LHX6: variants seen among roughly 807,000 people sequenced by gnomAD.
LHX6 encodes LIM homeobox 6.
In LHX6, 15 loss-of-function variants were observed where a neutral mutation model predicts 47.1. That is an observed-to-expected ratio of 0.32 (90% CI 0.21 to 0.49). The LOEUF (loss-of-function observed/expected upper bound fraction) is 0.49, where lower values mean the gene tolerates loss of function less well. LHX6 is among the 20% of genes least tolerant of loss of function. The pLI, the probability that LHX6 is intolerant of heterozygous loss-of-function variation, is 0.99. For synonymous variants in LHX6, 242 were observed against 233.5 expected, an observed-to-expected ratio of 1.04 and a Z score of -0.33; for missense variants, 404 against 539.6, an observed-to-expected ratio of 0.75 and a Z score of 2.49.
At chr9:122,227,158 A>C in intron 2 of LHX6, 128 bp from the exon 3 acceptor site, 1 of 933,566 alleles carries the variant, frequency 1.1e-6, no homozygotes, top group Non-Finnish European at 1.5e-6. Flanking sequence ...TGCGCCGTAG[A>C]CTGAAGGACA....
chr9:122,221,972 C>T (rs1391581203), intron 4 of LHX6, among the ~76,000 whole-genome samples: 1 of 152,300 alleles, frequency 6.6e-6, no homozygotes, highest in South Asian at 2.1e-4. Context: ...CACCCCCACG[C>T]CACCATACTG....
intron 2 of LHX6, 148 bp downstream of exon 2, chr9:122,227,261 G>T: frequency 1.1e-6 from 1 of 928,146 alleles, no homozygotes; most frequent in Non-Finnish European, 1.5e-6. Context: ...AACATTCCCT[G>T]CCGGAAAACC....
chr9:122,219,882 C>T (rs1481767817), intron 4 of LHX6, among the ~76,000 whole-genome samples: 1 of 152,248 alleles, frequency 6.6e-6, no homozygotes, highest in African/African-American at 2.4e-5. Flanking sequence ...GGTCTGGCAG[C>T]GCCGCGTCCT....
In LHX6 at chr9:122,217,075, G is replaced by A. The variant is rs752726361; in HGVS notation, c.675C>T (p.Ala225=). The A allele has an allele frequency of 2.0e-5, 33 of 1,614,018 alleles. No individual in the cohort carries two copies. Among genetic ancestry groups the A allele is most frequent in the Non-Finnish European group, 2.8e-5 (33 of 1,179,882 alleles). The change falls in exon 5 of 10, where the codon GCC becomes GCT. Residue 225 remains alanine, a synonymous_variant. Transcript: ENST00000394319. The surrounding 1 kb of genome is among the most constrained non-coding windows in gnomAD (Gnocchi z 4.9). ...DTMIENLKRA[A]ENGNGLTLEG... is the part of the protein sequence containing the mutation. ...GCGGAGCAGGTTGGGTACCGTTCTC[G>A]GCGGCCCTCTTGAGGTTCTCAATCA... is the stretch of plus-strand genomic sequence containing the variant.
At position 122,214,055 on chromosome 9, in the gene LHX6, C is replaced by T; in HGVS notation, c.798G>A (p.Gln266=). ...TAEQLQVMQA[Q]FAQDNNPDAQ... is the part of the protein sequence containing the mutation. ...CGTCGGGGTTGTTGTCCTGCGCGAACTGCGCCTGCATAACCTGCGGGGCGG... is the reference window on the plus strand; with the variant it reads ...CGTCGGGGTTGTTGTCCTGCGCGAATTGCGCCTGCATAACCTGCGGGGCGG... Residue 266 remains glutamine (Q), a synonymous_variant, in exon 7 of 10, where the codon CAG becomes CAA. Transcript: ENST00000394319. This position sits in a 1 kb window ranked among gnomAD's most constrained non-coding sequence, Gnocchi z 4.6. The T allele has an allele frequency of 6.2e-7, 1 of 1,601,978 alleles. No individual in the cohort carries two copies. Among genetic ancestry groups the T allele is most frequent in the Non-Finnish European group, 8.5e-7 (1 of 1,179,494 alleles).
chr9:122,228,524 C>G (rs371312794), intron 1 of LHX6, 133 bp downstream of exon 1: 20 of 1,381,510 alleles, frequency 1.4e-5, no homozygotes, highest in Non-Finnish European at 1.8e-5. Flanking sequence ...CCCACACTCA[C>G]AAGCACACAC....
rs1375962945 is a variant in LHX6, at chr9:122,209,620, A to C, written c.1152T>G (p.Gly384=). The stretch of plus-strand genomic sequence containing the variant: ...CCAACCTGGCTCCATTTACCTTCTC[A>C]CCCCGGTTGGAGAGCGGCCCATCCA... ...ADMDGPLSNR[G]EKVILFQY Residue 384 remains glycine (G), a synonymous_variant, in exon 9 of 10, where the codon GGT becomes GGG. Transcript: ENST00000394319. 5 of 1,610,464 alleles carry C rather than the reference A, an allele frequency of 3.1e-6. No homozygotes were observed. The highest frequency in any genetic ancestry group is 4.2e-6 in the Non-Finnish European group (5 of 1,177,014).
chr9:122,222,891 C>T (rs1231269083), intron 4 of LHX6, among the ~76,000 whole-genome samples: 1 of 152,204 alleles, frequency 6.6e-6, no homozygotes, highest in Non-Finnish European at 1.5e-5. Context: ...GAGCTCTTGG[C>T]CTCTCTTTGG....
Position 122,226,269 on chromosome 9 carries a change from C to T in LHX6, c.461+107G>A. 7.1e-7 allele frequency: 1 copy of T among 1,412,568 alleles called. No individual in the cohort carries two copies. The allele number at this position is 1,412,568 out of a possible 1,614,324, so 87.5% of individuals were successfully genotyped here. On this transcript the variant is annotated intron_variant, in intron 4 of 9. Coordinates refer to ENST00000394319, the MANE Select transcript of LHX6 (RefSeq NM_014368.5). This position sits in a 1 kb window ranked among gnomAD's most constrained non-coding sequence, Gnocchi z 6.5. ...CAGCGCTGCGCGCCGGAAGTGCACT[C>T]GGGACGCCGGGGTTCTGGAGGAGAG...
chr9:122,224,773 A>G (rs1831022081), intron 4 of LHX6, among the ~76,000 whole-genome samples: 1 of 152,172 alleles, frequency 6.6e-6, no homozygotes, highest in African/African-American at 2.4e-5. Flanking sequence ...ACACCCACAC[A>G]TGAACTAAAA....
chr9:122,226,518 G>A lies in LHX6; in HGVS notation c.340-21C>T, dbSNP rs1831106712. 4.3e-6 allele frequency: 7 copies of A among 1,610,796 alleles called. No homozygotes were observed. Among genetic ancestry groups the A allele is most frequent in the Non-Finnish European group, 5.9e-6 (7 of 1,179,324 alleles). On this transcript the variant is annotated intron_variant, in intron 3 of 9. Coordinates refer to ENST00000394319, the MANE Select transcript of LHX6 (RefSeq NM_014368.5). The surrounding 1 kb of genome is among the most constrained non-coding windows in gnomAD (Gnocchi z 6.5). Reference sequence around the variant, plus strand: ...TTGACCTGGGGACGGGGCGGGGACGGAGGTCGGCTCAGCGCGGGCCTCTTT... The same window carrying A: ...TTGACCTGGGGACGGGGCGGGGACGAAGGTCGGCTCAGCGCGGGCCTCTTT...
At chr9:122,211,013 G>T (rs536251329) in intron 8 of LHX6, among the ~76,000 whole-genome samples, 2 of 152,352 alleles carry the variant, frequency 1.3e-5, no homozygotes, top group African/African-American at 4.8e-5. Context: ...ATGGCATTTA[G>T]TAGGTACTCT....
At chr9:122,220,045 T>G (rs556655533) in intron 4 of LHX6, among the ~76,000 whole-genome samples, 1 of 152,214 alleles carries the variant, frequency 6.6e-6, no homozygotes, top group Non-Finnish European at 1.5e-5. Flanking sequence ...GAGCCTTCTG[T>G]GCGCTTGGCT....
Position 122,204,635 on chromosome 9 carries a change from C to CA in LHX6, c.*124dup, listed in dbSNP as rs1316504124. ...CCTCGGGAACCGACCTGGTGGTGGG[C>CA]AGGATGGCGGACGGGGGTGGATGCG... On this transcript the variant is annotated 3_prime_UTR_variant, in exon 10 of 10. Coordinates refer to ENST00000394319, the MANE Select transcript of LHX6 (RefSeq NM_014368.5). 8.4e-6 allele frequency: 10 copies of CA among 1,186,516 alleles called. No homozygotes were observed. Among genetic ancestry groups the CA allele is most frequent in the African/African-American group, 1.5e-5 (1 of 65,694 alleles). The allele number at this position is 1,186,516 out of a possible 1,614,324, so 73.5% of individuals were successfully genotyped here. A position where few individuals can be genotyped will look rare whatever the true frequency, so the allele number is the denominator to read the frequency against.
chr9:122,211,321 G>A (rs1203787645), intron 8 of LHX6, among the ~76,000 whole-genome samples: 2 of 152,186 alleles, frequency 1.3e-5, no homozygotes, highest in Non-Finnish European at 2.9e-5. Context: ...TTCACCTGGG[G>A]TGTTCAAGGA....
Position 122,226,801 on chromosome 9 carries a change from C to T in LHX6, c.339+47G>A. 6.5e-7 allele frequency: 1 copy of T among 1,533,654 alleles called. No homozygotes were observed. The highest frequency in any genetic ancestry group is 8.8e-7 in the Non-Finnish European group (1 of 1,136,526). ...TGCTTCCCTGCAGTCTCCTGCGCTG[C>T]GTCCCACGCCCCGACAACACGCACG... On this transcript the variant is annotated intron_variant, in intron 3 of 9. Coordinates refer to ENST00000394319, the MANE Select transcript of LHX6 (RefSeq NM_014368.5). This position sits in a 1 kb window ranked among gnomAD's most constrained non-coding sequence, Gnocchi z 6.5.
In LHX6 at chr9:122,213,851, G is replaced by A. The variant is rs1199113038; in HGVS notation, c.880-71C>T. On this transcript the variant is annotated intron_variant, in intron 7 of 9. Transcript: ENST00000394319. The surrounding 1 kb of genome is among the most constrained non-coding windows in gnomAD (Gnocchi z 5.5). ...GACGCGCCGCCGGGAGACCCCAGGC[G>A]GGACTGCCTCGTCGCCTCCTGGAGA... 22 of 1,532,586 alleles carry A rather than the reference G, an allele frequency of 1.4e-5. No individual in the cohort carries two copies. The highest frequency in any genetic ancestry group is 1.9e-5 in the Non-Finnish European group (22 of 1,136,152). 94.9% of individuals were successfully genotyped at this position (1,532,586 alleles called of 1,614,324 possible).
chr9:122,215,310 G>A (rs1355640485), intron 5 of LHX6, among the ~76,000 whole-genome samples: 1 of 152,192 alleles, frequency 6.6e-6, no homozygotes, highest in Middle Eastern at 3.2e-3. Flanking sequence ...GCAGCATTTG[G>A]AGCAATCGTT....
At position 122,226,808 on chromosome 9, in the gene LHX6, C is replaced by A. The variant is rs762733091; in HGVS notation, c.339+40G>T. 11 of 1,542,746 alleles carry A rather than the reference C, an allele frequency of 7.1e-6. No individual in the cohort carries two copies. The South Asian group carries it at 1.3e-4, about 19-fold the overall frequency. ...CTGCAGTCTCCTGCGCTGCGTCCCA[C>A]GCCCCGACAACACGCACGCAACACC... On this transcript the variant is annotated intron_variant, in intron 3 of 9. Coordinates refer to ENST00000394319, the MANE Select transcript of LHX6 (RefSeq NM_014368.5). This position sits in a 1 kb window ranked among gnomAD's most constrained non-coding sequence, Gnocchi z 6.5.
Sources: allele counts gnomAD v4.1 joint callset (sites outside exome capture counted in the v4.1 genomes callset), GRCh38; gene constraint gnomAD v4.1.1; non-coding constraint Gnocchi (gnomAD v3.1); transcripts MANE v1.5; gene names NCBI Gene and HGNC (gene_info 2026-07-23, HGNC 2026-07-21).